ZNF33A: variants seen among roughly 807,000 people sequenced by gnomAD.
The protein encoded by ZNF33A is brain my041 protein.
Under a neutral mutation model 15.9 loss-of-function variants are expected in ZNF33A, and 9 were observed. The ratio of observed to expected loss-of-function variants is 0.57; its 90% CI spans 0.34 to 0.99. ZNF33A has a LOEUF of 0.99. Ranked by LOEUF, ZNF33A falls within the 50% of genes least tolerant of loss-of-function variation. The probability of loss-of-function intolerance (pLI) is 0.02; values close to 1 mark genes in which losing one functional copy is unlikely to be tolerated. For synonymous variants in ZNF33A, 294 were observed against 324.2 expected (o/e 0.91, Z 1.00); for missense variants, 843 against 941.6 (o/e 0.90, Z 1.37).
At chr10:38,028,533 T>A (rs915151669) in intron 4 of ZNF33A, among the ~76,000 whole-genome samples, 1 of 151,952 alleles carries the variant, frequency 6.6e-6, no homozygotes. Flanking sequence ...AGTGGTACGA[T>A]CTTGGCTCAC....
At chr10:38,011,116 G>T (rs1187989693) in intron 1 of ZNF33A, among the ~76,000 whole-genome samples, 2 of 152,240 alleles carry the variant, frequency 1.3e-5, no homozygotes, top group Non-Finnish European at 2.9e-5. Context: ...GCCGCGGTAC[G>T]TGGGCGGGGA....
chr10:38,010,525 A>G, upstream of ZNF33A: 12 of 677,354 alleles, frequency 1.8e-5, no homozygotes, highest in Non-Finnish European at 3.2e-5. Flanking sequence ...CTCAGACCGC[A>G]TCTGCCCACT....
At chr10:38,048,044 C>T (rs527417648) in intron 4 of ZNF33A, among the ~76,000 whole-genome samples, 1 of 152,194 alleles carries the variant, frequency 6.6e-6, no homozygotes, top group African/African-American at 2.4e-5. Context: ...CAAAAAAACT[C>T]AACGTAGAGT....
intron 4 of ZNF33A, among the ~76,000 whole-genome samples, chr10:38,052,040 C>A (rs911099107): frequency 6.6e-6 from 1 of 151,964 alleles, no homozygotes; most frequent in African/African-American, 2.4e-5. Flanking sequence ...TTGTGAACAA[C>A]GGAATGATTT....
intron 4 of ZNF33A, among the ~76,000 whole-genome samples, chr10:38,048,640 C>G (rs1358721189): frequency 6.6e-6 from 1 of 152,012 alleles, no homozygotes; most frequent in Non-Finnish European, 1.5e-5. Flanking sequence ...GATGTGACAG[C>G]CAGATGAAAT....
rs1253374181 is a variant in ZNF33A at position 38,059,845 on chromosome 10, C to T, written c.*3285C>T. 6.5e-6 allele frequency: 1 copy of T among 153,542 alleles called. No individual in the cohort carries two copies. Among genetic ancestry groups the T allele is most frequent in the Non-Finnish European group, 1.4e-5 (1 of 69,350 alleles). 9.5% of individuals were successfully genotyped at this position (153,542 alleles called of 1,614,324 possible). ...AGTAAACCCTAATGTCAACTCTGGA[C>T]TTCAGTTAATAATAATGTATCACTG... On this transcript the variant is annotated 3_prime_UTR_variant, in exon 5 of 5. Coordinates refer to ENST00000432900, the MANE Select transcript of ZNF33A (RefSeq NM_006954.2).
intron 4 of ZNF33A, among the ~76,000 whole-genome samples, chr10:38,024,658 C>A (rs1189811178): frequency 6.6e-6 from 1 of 152,202 alleles, no homozygotes; most frequent in Non-Finnish European, 1.5e-5. Context: ...ATTATTGTAT[C>A]CAGTGTTAAG....
At chr10:38,024,281 A>G (rs369287516) in intron 4 of ZNF33A, among the ~76,000 whole-genome samples, 4 of 152,312 alleles carry the variant, frequency 2.6e-5, no homozygotes, top group African/African-American at 9.6e-5. Context: ...AACAATGAAC[A>G]TATGGAAATC....
Position 38,054,868 on chromosome 10 carries a change from T to C in ZNF33A, c.744T>C (p.Asp248=), listed in dbSNP as rs745452714. ...AGAACGCAGAAGAGAATAACTGTGA[T>C]TATAATGAATTTGGGAGAACTTTGT... ...KRENAEENNC[D]YNEFGRTLCD... The change falls in exon 5 of 5, where the codon GAT becomes GAC. Residue 248 remains aspartate, a synonymous_variant. Transcript: ENST00000432900. The C allele has an allele frequency of 1.9e-6, 3 of 1,613,618 alleles. No homozygotes were observed. Among genetic ancestry groups the C allele is most frequent in the Non-Finnish European group, 2.5e-6 (3 of 1,179,984 alleles).
intron 4 of ZNF33A, among the ~76,000 whole-genome samples, chr10:38,039,890 C>G (rs946936890): frequency 6.6e-6 from 1 of 151,130 alleles, no homozygotes; most frequent in Non-Finnish European, 1.5e-5. Context: ...TATAATCTTT[C>G]TGCTTTCCTG....
intron 4 of ZNF33A, among the ~76,000 whole-genome samples, chr10:38,034,425 G>A (rs2180407): frequency 0.99 from 150,728 of 152,240 alleles, 74,634 homozygotes; most frequent in Middle Eastern, 1. Context: ...CATTTATTGG[G>A]ATGTGTCTGA....
intron 4 of ZNF33A, among the ~76,000 whole-genome samples, chr10:38,024,175 A>G (rs78269387): frequency 1.9e-4 from 27 of 144,736 alleles, no homozygotes; most frequent in South Asian, 4.4e-4. Flanking sequence ...AAAAAAAAAA[A>G]AAAAAAGAAA....
chr10:38,056,464 G>A lies in ZNF33A; in HGVS notation c.2340G>A (p.Met780Ile). 1.2e-6 allele frequency: 2 copies of A among 1,613,692 alleles called. No individual in the cohort carries two copies. The highest frequency in any genetic ancestry group is 1.7e-4 in the Middle Eastern group (1 of 6,060). Residue 780 changes from methionine to isoleucine, a missense_variant, in exon 5 of 5, where the codon ATG (methionine) becomes ATA (isoleucine). Transcript: ENST00000432900. ...TAGGAGAAAACCTTATGAATGAAATGGATATTAGAAATTTCCAGCCACAAG... is the reference window on the plus strand; with the variant it reads ...TAGGAGAAAACCTTATGAATGAAATAGATATTAGAAATTTCCAGCCACAAG... Reference protein sequence around the residue: ...RHIGENLMNEMDIRNFQPQVS... With the variant: ...RHIGENLMNEIDIRNFQPQVS...
At chr10:38,015,341 G>A (rs967872212) in intron 2 of ZNF33A, among the ~76,000 whole-genome samples, 8 of 151,664 alleles carry the variant, frequency 5.3e-5, no homozygotes, top group African/African-American at 1.9e-4. Context: ...TTTTGCTCTT[G>A]TTACCCAGGC....
chr10:38,027,524 T>C lies in ZNF33A; in HGVS notation c.250+10138T>C, dbSNP rs1359062192. Among the ~76,000 whole-genome samples the C allele has an allele frequency of 4.6e-5, 7 of 151,292 alleles. 1 individual carries two copies. The East Asian group carries it at 1.4e-3, about 29-fold the overall frequency. ...CCACCATGCCCACTATGCCCAGCTA[T>C]CTTTTTTTTTTTTTGGTGGAAACGG... is the stretch of plus-strand genomic sequence containing the variant. On this transcript the variant is annotated intron_variant, in intron 4 of 4. Transcript: ENST00000432900.
downstream of ZNF33A, among the ~76,000 whole-genome samples, chr10:38,066,476 A>G (rs932000947): frequency 1.3e-5 from 2 of 151,590 alleles, no homozygotes; most frequent in Non-Finnish European, 2.9e-5. Flanking sequence ...CCGGTCTTGA[A>G]TTCCTGACCT....
chr10:38,064,524 T>A (rs568192819), downstream of ZNF33A: 1 of 175,462 alleles, frequency 5.7e-6, no homozygotes, highest in Admixed American at 6.2e-5. Context: ...CTACATAATT[T>A]TAAGTATCTA....
intron 1 of ZNF33A, among the ~76,000 whole-genome samples, chr10:38,011,273 A>C (rs891393430): frequency 1.3e-5 from 2 of 152,202 alleles, no homozygotes; most frequent in Admixed American, 1.3e-4. Flanking sequence ...TCTTGCACTC[A>C]GGAAAGATCT....
In ZNF33A at chr10:38,055,126, T is replaced by A; in HGVS notation, c.1002T>A (p.Cys334Ter). 1 of 1,614,114 alleles carries A rather than the reference T, an allele frequency of 6.2e-7. No homozygotes were observed. Among genetic ancestry groups the A allele is most frequent in the Non-Finnish European group, 8.5e-7 (1 of 1,179,968 alleles). Residue 334 changes from cysteine to a stop codon, truncating the protein, a stop_gained, in exon 5 of 5, where the codon TGT (cysteine) becomes TGA (stop). Coordinates refer to ENST00000432900, the MANE Select transcript of ZNF33A (RefSeq NM_006954.2). LOFTEE classifies it low-confidence loss of function (END_TRUNC). ...AGAAACACTTTGAATGTAATGAATG[T>A]GGGAAAGCTTTCTGGGAGAAGTCAC... is the stretch of plus-strand genomic sequence containing the variant. ...KGEKHFECNECGKAFWEKSHL... is the reference protein window; with the variant it reads ...KGEKHFECNE
Sources: allele counts gnomAD v4.1 joint callset (sites outside exome capture counted in the v4.1 genomes callset), GRCh38; gene constraint gnomAD v4.1.1; transcripts MANE v1.5; gene names NCBI Gene and HGNC (gene_info 2026-07-23, HGNC 2026-07-21).